Variants in MYO5A observed in about 807,000 individuals in gnomAD.
MYO5A encodes unconventional myosin-Va.
In MYO5A, 98 loss-of-function variants were observed where a neutral mutation model predicts 249.7. That is an observed-to-expected ratio of 0.39 (90% CI 0.33 to 0.46). The LOEUF (loss-of-function observed/expected upper bound fraction) is 0.46. Ranked by LOEUF, MYO5A falls within the 20% of genes least tolerant of loss-of-function variation. The pLI is 0.98. For missense variants in MYO5A, 1,696 were observed against 2,308.8 expected, an observed-to-expected ratio of 0.73 and a Z score of 5.44; for synonymous variants, 778 against 810.6, an observed-to-expected ratio of 0.96 and a Z score of 0.68.
chr15:52,389,228 GC>G lies in MYO5A; in HGVS notation c.1668+9del, dbSNP rs769997504. 3 of 1,611,672 alleles carry G rather than the reference GC, an allele frequency of 1.9e-6. No homozygotes were observed. The African/African-American group carries it at 4.0e-5, about 22-fold the overall frequency. ...ATTCAAAAAGAAAAACTGATATAAA[GC>G]TTCCTTACTTTGTCAGCAAAATGTT... is the stretch of plus-strand genomic sequence containing the variant. On this transcript the variant is annotated intron_variant, in intron 13 of 41. Transcript: ENST00000399233.
chr15:52,347,338 G>C (rs908502565), intron 29 of MYO5A, among the ~76,000 whole-genome samples: 6 of 151,956 alleles, frequency 3.9e-5, no homozygotes, highest in African/African-American at 1.5e-4. Flanking sequence ...AAAACTTAAA[G>C]CAAAAAAAGA....
At chr15:52,477,893 C>G (rs1424205694) in intron 1 of MYO5A, among the ~76,000 whole-genome samples, 1 of 152,224 alleles carries the variant, frequency 6.6e-6, no homozygotes, top group Non-Finnish European at 1.5e-5. Context: ...TGTCTGTTCT[C>G]AGATCTCAAA....
At chr15:52,350,463 G>A (rs913407143) in intron 28 of MYO5A, among the ~76,000 whole-genome samples, 3 of 152,090 alleles carry the variant, frequency 2.0e-5, no homozygotes, top group Non-Finnish European at 2.9e-5. Flanking sequence ...CAGATTTTCA[G>A]GCATCCAGCT....
intron 1 of MYO5A, among the ~76,000 whole-genome samples, chr15:52,478,275 G>T (rs559014427): frequency 1.3e-5 from 2 of 152,272 alleles, no homozygotes; most frequent in African/African-American, 4.8e-5. Flanking sequence ...GCAGTATTAG[G>T]GTGGGAGTGA....
At chr15:52,407,143 C>T (rs1445933272) in intron 8 of MYO5A, 149 bp downstream of exon 8, 2 of 670,378 alleles carry the variant, frequency 3.0e-6, no homozygotes, top group African/African-American at 3.6e-5. Flanking sequence ...ATCTCCTGCC[C>T]ATTTGCTGTC....
At chr15:52,382,973 G>C (rs2041819454) in intron 16 of MYO5A, 118 bp downstream of exon 16, 1 of 869,022 alleles carries the variant, frequency 1.2e-6, no homozygotes, top group Non-Finnish European at 1.9e-6. Context: ...AAGGCATGAA[G>C]ACTTACCCAA....
chr15:52,440,408 C>G (rs906503942), intron 1 of MYO5A, among the ~76,000 whole-genome samples: 2 of 152,202 alleles, frequency 1.3e-5, no homozygotes, highest in African/African-American at 2.4e-5. Context: ...GCCGAGATTA[C>G]AGGCATGCAC....
chr15:52,367,892 C>T (rs1215299942), intron 22 of MYO5A, among the ~76,000 whole-genome samples: 1 of 151,522 alleles, frequency 6.6e-6, no homozygotes, highest in Non-Finnish European at 1.5e-5. Context: ...CACACACACA[C>T]ACACACACAC....
At chr15:52,320,392 T>C (rs770853652) in intron 38 of MYO5A, among the ~76,000 whole-genome samples, 4 of 152,182 alleles carry the variant, frequency 2.6e-5, no homozygotes, top group African/African-American at 4.8e-5. Flanking sequence ...AGGATTTAGA[T>C]TGGGGCTTCT....
chr15:52,386,313 A>AAAG (rs1555440090), intron 14 of MYO5A, among the ~76,000 whole-genome samples: 1 of 150,046 alleles, frequency 6.7e-6, no homozygotes, highest in African/African-American at 2.5e-5. Flanking sequence ...CACTGTCTCA[A>AAAG]AACAACAACA....
At chr15:52,315,563 G>T (rs1282035640) in intron 40 of MYO5A, among the ~76,000 whole-genome samples, 3 of 151,764 alleles carry the variant, frequency 2.0e-5, no homozygotes, top group Non-Finnish European at 1.5e-5. Context: ...TTGTAGAGAT[G>T]GGGTTTCACC....
intron 1 of MYO5A, among the ~76,000 whole-genome samples, chr15:52,441,895 A>G (rs2141340394): frequency 6.6e-6 from 1 of 152,362 alleles, no homozygotes; most frequent in African/African-American, 2.4e-5. Flanking sequence ...AACTTTTGTT[A>G]TATGAGTGTT....
chr15:52,323,016 C>G (rs890511506), intron 37 of MYO5A, among the ~76,000 whole-genome samples: 2 of 152,002 alleles, frequency 1.3e-5, no homozygotes, highest in Non-Finnish European at 2.9e-5. Context: ...TTGTGGCAAG[C>G]CAAAATTGAT....
intron 1 of MYO5A, among the ~76,000 whole-genome samples, chr15:52,450,071 G>T (rs1016952452): frequency 2.6e-5 from 4 of 152,050 alleles, no homozygotes; most frequent in Admixed American, 6.5e-5. Flanking sequence ...TGTAAACCCT[G>T]GTACTCGAGA....
chr15:52,353,637 T>A lies in MYO5A; in HGVS notation c.3589A>T (p.Arg1197Ter), dbSNP rs770028640. The A allele has an allele frequency of 1.2e-6, 2 of 1,613,914 alleles. No homozygotes were observed. The highest frequency in any genetic ancestry group is 1.7e-6 in the Non-Finnish European group (2 of 1,179,716). The change falls in exon 27 of 42, where the codon AGA becomes TGA. Residue 1197 changes from arginine (R) to a stop codon, truncating the protein, a stop_gained. Transcript: ENST00000399233. LOFTEE classifies it high-confidence loss of function. ...KAKEEERPQI[R>*]GAELEYESLK... ...GACTCATATTCCAGTTCTGCACCTCTAATTTGTGGTCTTTCTTCTTCCTAG... is the reference window on the plus strand; with the variant it reads ...GACTCATATTCCAGTTCTGCACCTCAAATTTGTGGTCTTTCTTCTTCCTAG...
chr15:52,506,186 C>T (rs2077267243), intron 1 of MYO5A, among the ~76,000 whole-genome samples: 1 of 151,968 alleles, frequency 6.6e-6, no homozygotes, highest in African/African-American at 2.4e-5. Context: ...CCCGTCTCTA[C>T]TAAAAATACA....
intron 28 of MYO5A, 53 bp from the exon 29 acceptor site, chr15:52,348,879 A>G (rs1182790208): frequency 1.5e-5 from 23 of 1,582,274 alleles, no homozygotes; most frequent in South Asian, 2.3e-5. Flanking sequence ...ATAAACCCTT[A>G]GTTCCATAAA....
intron 3 of MYO5A, 113 bp downstream of exon 3, chr15:52,428,285 G>T: frequency 9.2e-7 from 1 of 1,089,020 alleles, no homozygotes; most frequent in Non-Finnish European, 1.4e-6. Flanking sequence ...AAGTGATTTT[G>T]TCTCTTAGAG....
intron 1 of MYO5A, among the ~76,000 whole-genome samples, chr15:52,458,569 A>G (rs1216003582): frequency 6.6e-6 from 1 of 152,074 alleles, no homozygotes. Flanking sequence ...GCAGTGAGCC[A>G]TGTTTGCACC....
Sources: gnomAD v4.1 joint callset for allele counts (sites outside exome capture counted in the v4.1 genomes callset) on GRCh38, gnomAD v4.1.1 for gene constraint, MANE v1.5 for transcripts, NCBI Gene and HGNC (gene_info 2026-07-23, HGNC 2026-07-21) for gene names.